Variants in SLC35F1 observed in about 807,000 individuals in gnomAD.
SLC35F1 encodes chromosome 6 open reading frame 169.
In SLC35F1, 14 loss-of-function variants were observed where a neutral mutation model predicts 48.7. The ratio of observed to expected loss-of-function variants is 0.29; its 90% CI spans 0.19 to 0.45. The LOEUF is 0.45. SLC35F1 is among the 20% of genes least tolerant of loss of function. SLC35F1 has a pLI of 1.00. For missense variants in SLC35F1, 404 were observed against 500.0 expected, an observed-to-expected ratio of 0.81 and a Z score of 1.83; for synonymous variants, 190 against 202.2, an observed-to-expected ratio of 0.94 and a Z score of 0.51.
At chr6:118,033,464 T>C (rs187155463) in intron 1 of SLC35F1, among the ~76,000 whole-genome samples, 2 of 152,200 alleles carry the variant, frequency 1.3e-5, no homozygotes, top group African/African-American at 2.4e-5. Context: ...TATCTTTCCT[T>C]ACTATTCAAC....
At chr6:118,112,070 T>TTA (rs71012380) in intron 1 of SLC35F1, among the ~76,000 whole-genome samples, 1 of 147,006 alleles carries the variant, frequency 6.8e-6, no homozygotes, top group Non-Finnish European at 1.5e-5. Context: ...CTTTCTTTCT[T>TTA]TTTCTTTATT....
At chr6:118,096,645 T>A (rs1177917305) in intron 1 of SLC35F1, among the ~76,000 whole-genome samples, 1 of 152,186 alleles carries the variant, frequency 6.6e-6, no homozygotes, top group Non-Finnish European at 1.5e-5. Context: ...TCATCTCTTG[T>A]TCTCTTCATG....
At chr6:118,208,146 C>T (rs936189909) in intron 2 of SLC35F1, among the ~76,000 whole-genome samples, 2 of 150,052 alleles carry the variant, frequency 1.3e-5, no homozygotes, top group African/African-American at 2.5e-5. Flanking sequence ...CACACACACC[C>T]CTCTGCTGCA....
At chr6:118,248,672 T>C (rs551671603) in intron 3 of SLC35F1, among the ~76,000 whole-genome samples, 11 of 152,274 alleles carry the variant, frequency 7.2e-5, no homozygotes, top group Admixed American at 7.2e-4. Flanking sequence ...AACCCTGCCA[T>C]CCCCTTGATT....
chr6:117,990,228 G>A (rs1776899827), intron 1 of SLC35F1, among the ~76,000 whole-genome samples: 1 of 152,122 alleles, frequency 6.6e-6, no homozygotes, highest in Non-Finnish European at 1.5e-5. Flanking sequence ...CTAGAATTCT[G>A]AATCCTGAGC....
chr6:118,072,302 C>T (rs1772743953), intron 1 of SLC35F1, among the ~76,000 whole-genome samples: 1 of 152,244 alleles, frequency 6.6e-6, no homozygotes, highest in African/African-American at 2.4e-5. Context: ...CGGTGGCTCA[C>T]GCCTGTAATC....
chr6:118,291,278 C>T (rs1056453151), intron 7 of SLC35F1, among the ~76,000 whole-genome samples: 13 of 105,604 alleles, frequency 1.2e-4, no homozygotes, highest in African/African-American at 4.6e-4. Context: ...CACACACACA[C>T]ACACACATAT....
intron 1 of SLC35F1, among the ~76,000 whole-genome samples, chr6:118,082,652 C>A (rs1182413799): frequency 1.3e-5 from 2 of 151,890 alleles, no homozygotes; most frequent in African/African-American, 4.8e-5. Flanking sequence ...ATCCAGAAAC[C>A]CAAGAAAAAT....
intron 2 of SLC35F1, among the ~76,000 whole-genome samples, chr6:118,158,907 C>T (rs1322637627): frequency 6.6e-6 from 1 of 152,102 alleles, no homozygotes; most frequent in African/African-American, 2.4e-5. Context: ...AGGTGTTCTT[C>T]CAGATGGTTC....
chr6:118,115,326 C>G (rs1190480758), intron 1 of SLC35F1, among the ~76,000 whole-genome samples: 1 of 152,114 alleles, frequency 6.6e-6, no homozygotes, highest in Non-Finnish European at 1.5e-5. Context: ...GCACAGAGCA[C>G]ATGTTGGTTG....
intron 1 of SLC35F1, among the ~76,000 whole-genome samples, chr6:118,146,037 C>T (rs929800008): frequency 6.6e-6 from 1 of 152,080 alleles, no homozygotes; most frequent in African/African-American, 2.4e-5. Flanking sequence ...GGAAGCAAAT[C>T]GTAGAACACT....
intron 2 of SLC35F1, among the ~76,000 whole-genome samples, chr6:118,225,343 T>C (rs1486377242): frequency 6.6e-6 from 1 of 152,204 alleles, no homozygotes. Context: ...TCTATGTATT[T>C]ATAGCCAACT....
chr6:118,198,317 T>C (rs939328154), intron 2 of SLC35F1, among the ~76,000 whole-genome samples: 1 of 152,228 alleles, frequency 6.6e-6, no homozygotes, highest in African/African-American at 2.4e-5. Context: ...AGGCATGACA[T>C]CTTTCAGATC....
chr6:118,159,310 C>T (rs1435092665), intron 2 of SLC35F1, among the ~76,000 whole-genome samples: 1 of 150,762 alleles, frequency 6.6e-6, no homozygotes, highest in African/African-American at 2.4e-5. Context: ...ATGTACTCCA[C>T]CAAAGTAGTT....
chr6:118,007,172 A>G (rs1365258694), intron 1 of SLC35F1, among the ~76,000 whole-genome samples: 1 of 152,072 alleles, frequency 6.6e-6, no homozygotes, highest in Non-Finnish European at 1.5e-5. Context: ...GCATCTGATG[A>G]AGGCCTTCTT....
At position 117,953,133 on chromosome 6, in the gene SLC35F1, T is replaced by G. The variant is rs554532822; in HGVS notation, c.173+45234T>G. Among the ~76,000 whole-genome samples the G allele has an allele frequency of 2.6e-5, 4 of 152,342 alleles. No individual in the cohort carries two copies. In the East Asian group the frequency reaches 7.7e-4, roughly 29 times the overall value. On this transcript the variant is annotated intron_variant, in intron 1 of 7. Transcript: ENST00000360388. ...GAGTAGTTGTTATTGTTTATTTTTA[T>G]TCTGCCTTTTAACTGTTTGCATAAA... is the stretch of plus-strand genomic sequence containing the variant.
At chr6:118,003,622 A>T (rs569266128) in intron 1 of SLC35F1, among the ~76,000 whole-genome samples, 30 of 152,250 alleles carry the variant, frequency 2.0e-4, no homozygotes, top group Non-Finnish European at 3.8e-4. Flanking sequence ...CAGTTTTCTC[A>T]TCGGTAAATG....
At chr6:118,080,187 G>A (rs1772885086) in intron 1 of SLC35F1, among the ~76,000 whole-genome samples, 1 of 152,180 alleles carries the variant, frequency 6.6e-6, no homozygotes. Context: ...CTGCAGGGAA[G>A]AAAAAATATA....
rs1174858856 is a variant in SLC35F1, at chr6:118,315,678, A to C, written c.*1426A>C. ...ATGGTCTCGATCTCCTGACCTCGTGATCCGCCCACCTTGGCCTCCCGAAGT... is the reference window on the plus strand; with the variant it reads ...ATGGTCTCGATCTCCTGACCTCGTGCTCCGCCCACCTTGGCCTCCCGAAGT... On this transcript the variant is annotated 3_prime_UTR_variant, in exon 8 of 8. Transcript: ENST00000360388. 3.9e-5 allele frequency: 6 copies of C among 152,122 alleles called. No homozygotes were observed. The highest frequency in any genetic ancestry group is 1.9e-4 in the East Asian group (1 of 5,180). The allele number at this position is 152,122 out of a possible 1,614,324, so 9.4% of individuals were successfully genotyped here.
Sources: allele counts gnomAD v4.1 joint callset (sites outside exome capture counted in the v4.1 genomes callset), GRCh38; gene constraint gnomAD v4.1.1; transcripts MANE v1.5; gene names NCBI Gene and HGNC (gene_info 2026-07-23, HGNC 2026-07-21).